The following NF2 variants were observed in gnomAD, a reference collection of about 807,000 sequenced individuals.
NF2 encodes the protein merlin.
Under a neutral mutation model 83.7 loss-of-function variants are expected in NF2, and 8 were observed. That is an observed-to-expected ratio of 0.10 (90% CI 0.06 to 0.17). The LOEUF is 0.17. Ranked by LOEUF, NF2 falls within the 10% of genes least tolerant of loss-of-function variation. NF2 has a pLI of 1.00. For missense variants in NF2, 533 were observed against 744.4 expected (o/e 0.72, Z 3.31); for synonymous variants, 266 against 269.6 (o/e 0.99, Z 0.13).
At chr22:29,644,196 T>C (rs1219425662) in intron 4 of NF2, among the ~76,000 whole-genome samples, 1 of 143,664 alleles carries the variant, frequency 7.0e-6, no homozygotes, top group African/African-American at 2.6e-5. Context: ...GTCTCCTCAC[T>C]TCTCAGACGG....
At chr22:29,622,946 G>A (rs1315824274) in intron 1 of NF2, among the ~76,000 whole-genome samples, 3 of 143,130 alleles carry the variant, frequency 2.1e-5, no homozygotes, top group Non-Finnish European at 4.5e-5. Flanking sequence ...GAACCACCGT[G>A]CCCGGCCTTT....
Position 29,641,911 on chromosome 22 carries a change from C to G in NF2, c.364-291C>G, listed in dbSNP as rs2531849. 0.15 allele frequency among the ~76,000 whole-genome samples: 22,586 copies of G among 152,178 alleles called. 2,384 individuals carry two copies. The highest frequency in any genetic ancestry group is 0.57 in the East Asian group (2,922 of 5,166). ...TGACACTTCTTGAGTTCATAGCGCT[C>G]TGTCACACAGCCTCTGTTGTAACTA... is the stretch of plus-strand genomic sequence containing the variant. On this transcript the variant is annotated intron_variant, in intron 3 of 15. Coordinates refer to ENST00000338641, the MANE Select transcript of NF2 (RefSeq NM_000268.4).
At chr22:29,666,613 C>T (rs1452762735) in intron 9 of NF2, among the ~76,000 whole-genome samples, 1 of 151,782 alleles carries the variant, frequency 6.6e-6, no homozygotes, top group African/African-American at 2.4e-5. Context: ...GCCAGGAGTT[C>T]GAGACCAACC....
chr22:29,643,450 T>C (rs1369478111), intron 4 of NF2, among the ~76,000 whole-genome samples: 2 of 152,178 alleles, frequency 1.3e-5, no homozygotes, highest in Non-Finnish European at 2.9e-5. Context: ...TTCCGCAGCG[T>C]TTGTGTCCCT....
Position 29,603,819 on chromosome 22 carries a change from C to T in NF2, c.-180C>T. ...GCCCGTCCCCCAACTCCCCTTTCCG[C>T]TCAGGCAGGGTCCTCGCGGCCCATG... is the stretch of plus-strand genomic sequence containing the variant. On this transcript the variant is annotated 5_prime_UTR_variant, in exon 1 of 16. Coordinates refer to ENST00000338641, the MANE Select transcript of NF2 (RefSeq NM_000268.4). The T allele has an allele frequency of 1.7e-6, 1 of 585,644 alleles. No homozygotes were observed. The highest frequency in any genetic ancestry group is 2.9e-5 in the East Asian group (1 of 34,204). 36.3% of individuals were successfully genotyped at this position (585,644 alleles called of 1,614,324 possible). A position where few individuals can be genotyped will look rare whatever the true frequency, so the allele number is the denominator to read the frequency against.
At chr22:29,644,926 G>T (rs949373540) in intron 4 of NF2, among the ~76,000 whole-genome samples, 2 of 151,850 alleles carry the variant, frequency 1.3e-5, no homozygotes, top group Non-Finnish European at 2.9e-5. Context: ...AGAGGGAGAG[G>T]GAGACCATGG....
At chr22:29,657,921 G>A (rs1482051740) in intron 6 of NF2, among the ~76,000 whole-genome samples, 2 of 152,172 alleles carry the variant, frequency 1.3e-5, no homozygotes, top group Admixed American at 6.5e-5. Context: ...TTTACCAAGG[G>A]CAAGGTGGGA....
intron 1 of NF2, among the ~76,000 whole-genome samples, chr22:29,626,345 G>C (rs2065367132): frequency 6.6e-6 from 1 of 151,522 alleles, no homozygotes; most frequent in Non-Finnish European, 1.5e-5. Flanking sequence ...GTAGAGACAG[G>C]GTTTCACCAT....
chr22:29,678,208 A>C lies in NF2; in HGVS notation c.1459A>C (p.Ile487Leu), dbSNP rs147506929. ...TKPTYPPMNPIPAPLPPDIPS... is the reference protein window; with the variant it reads ...TKPTYPPMNPLPAPLPPDIPS... ...TTCTCATTAACAGCCCATGAACCCAATTCCAGCACCGTTGCCTCCTGACAT... is the reference window on the plus strand; with the variant it reads ...TTCTCATTAACAGCCCATGAACCCACTTCCAGCACCGTTGCCTCCTGACAT... The change falls in exon 14 of 16, where the codon ATT becomes CTT. Residue 487 changes from isoleucine to leucine, a missense_variant. By Grantham distance (5) the Ile-to-Leu change is conservative (BLOSUM62 2). Coordinates refer to ENST00000338641, the MANE Select transcript of NF2 (RefSeq NM_000268.4). 2 of 1,613,964 alleles carry C rather than the reference A, an allele frequency of 1.2e-6. No homozygotes were observed. The highest frequency in any genetic ancestry group is 4.5e-5 in the East Asian group (2 of 44,890).
Position 29,639,197 on chromosome 22 carries a change from T to A in NF2, c.348T>A (p.His116Gln), listed in dbSNP as rs2146872834. The A allele has an allele frequency of 6.2e-7, 1 of 1,614,180 alleles. No individual in the cohort carries two copies. Among genetic ancestry groups the A allele is most frequent in the Non-Finnish European group, 8.5e-7 (1 of 1,180,012 alleles). ...AGCTGGTTCAGGAGATCACACAACA[T>A]TTATTCTTCTTACAGGTACATCAGT... ...EEELVQEITQ[H>Q]LFFLQVKKQI... The change falls in exon 3 of 16, where the codon CAT (histidine) becomes CAA (glutamine). Residue 116 changes from histidine to glutamine, a missense_variant. Transcript: ENST00000338641.
At chr22:29,664,371 C>CCACACACACACACA (rs35386801) in intron 8 of NF2, among the ~76,000 whole-genome samples, 26 of 146,358 alleles carry the variant, frequency 1.8e-4, no homozygotes, top group Non-Finnish European at 2.9e-4. Context: ...AAAGCTAATA[C>CCACACACACACACA]CACACACACA....
At chr22:29,610,283 A>G (rs1232693331) in intron 1 of NF2, among the ~76,000 whole-genome samples, 1 of 151,780 alleles carries the variant, frequency 6.6e-6, no homozygotes, top group Non-Finnish European at 1.5e-5. Flanking sequence ...GAGGTTGAGG[A>G]GGCAGTGAGC....
chr22:29,681,363 T>C, intron 14 of NF2, 76 bp from the exon 15 acceptor site: 3 of 1,586,628 alleles, frequency 1.9e-6, no homozygotes, highest in East Asian at 2.2e-5. Context: ...ACCAAGCAGC[T>C]TGTGGGCCGC....
intron 7 of NF2, 21 bp downstream of exon 7, chr22:29,658,285 GCTC>G: frequency 6.2e-7 from 1 of 1,609,184 alleles, no homozygotes; most frequent in South Asian, 1.1e-5. Context: ...ACCTCTCTGA[GCTC>G]CTTGTGTAGT....
At chr22:29,669,604 G>A (rs148742039) in intron 10 of NF2, among the ~76,000 whole-genome samples, 2 of 152,342 alleles carry the variant, frequency 1.3e-5, no homozygotes, top group East Asian at 3.9e-4. Flanking sequence ...TCTTAGCAGA[G>A]CAAAGCTTAG....
intron 10 of NF2, among the ~76,000 whole-genome samples, chr22:29,671,398 G>A (rs1182925073): frequency 2.0e-5 from 3 of 152,202 alleles, no homozygotes; most frequent in East Asian, 3.9e-4. Flanking sequence ...GCATGGTGGC[G>A]GGTGCCTATA....
rs1305519234 is a variant in NF2, at chr22:29,671,830, A to T, written c.1004A>T (p.Glu335Val). Residue 335 changes from glutamate (E) to valine (V), a missense_variant, in exon 11 of 16, where the codon GAG becomes GTG. By Grantham distance (121) the Glu-to-Val change is moderately radical (BLOSUM62 -2). Transcript: ENST00000338641. ...GTTTTTCTTCACCCCTCGCAGATGG[A>T]GCGGCAGCGCCTCGCTCGAGAGAAG... ...AREEKARKQM[E>V]RQRLAREKQM... 6.2e-7 allele frequency: 1 copy of T among 1,613,956 alleles called. No individual in the cohort carries two copies. Among genetic ancestry groups the T allele is most frequent in the Non-Finnish European group, 8.5e-7 (1 of 1,179,928 alleles).
At chr22:29,644,281 C>T (rs1488314916) in intron 4 of NF2, among the ~76,000 whole-genome samples, 207 of 127,076 alleles carry the variant, frequency 1.6e-3, no homozygotes, top group East Asian at 8.3e-3. Flanking sequence ...ACATCCCAGA[C>T]GGGGCGGCGG....
rs2067522897 is a variant in NF2, at chr22:29,695,421, C to T, written c.*619C>T. On this transcript the variant is annotated 3_prime_UTR_variant, in exon 16 of 16. Coordinates refer to ENST00000338641, the MANE Select transcript of NF2 (RefSeq NM_000268.4). This position sits in a 1 kb window ranked among gnomAD's most constrained non-coding sequence, Gnocchi z 5.4. ...AGCTGGTGGGGAATAGGCAGGGCAG[C>T]TGTGGCTGGGGAGAGACTTTAGGCA... The T allele has an allele frequency of 3.9e-6, 1 of 257,472 alleles. No individual in the cohort carries two copies. Among genetic ancestry groups the T allele is most frequent in the East Asian group, 5.4e-5 (1 of 18,648 alleles). 15.9% of individuals were successfully genotyped at this position (257,472 alleles called of 1,614,324 possible).
Sources: allele counts gnomAD v4.1 joint callset (sites outside exome capture counted in the v4.1 genomes callset), GRCh38; gene constraint gnomAD v4.1.1; non-coding constraint Gnocchi (gnomAD v3.1); transcripts MANE v1.5; gene names NCBI Gene and HGNC (gene_info 2026-07-23, HGNC 2026-07-21).